PPM1B: variants seen among roughly 807,000 people sequenced by gnomAD.
PPM1B encodes protein phosphatase 1B.
In PPM1B, 22 loss-of-function variants were observed where a neutral mutation model predicts 43.0. The observed-to-expected ratio is 0.51, with a 90% CI of 0.37 to 0.73. The LOEUF is 0.73. Among genes scored for constraint, PPM1B ranks in the 30% least tolerant of loss-of-function variants. The pLI, the probability that PPM1B is intolerant of heterozygous loss-of-function variation, is 0.00. For synonymous variants in PPM1B, 217 were observed against 197.9 expected (o/e 1.10, Z -0.81); for missense variants, 632 against 584.2 (o/e 1.08, Z -0.84).
chr2:44,228,438 G>C (rs1257406714), intron 5 of PPM1B, among the ~76,000 whole-genome samples: 2 of 152,036 alleles, frequency 1.3e-5, no homozygotes, highest in East Asian at 1.9e-4. Context: ...TCCCAAAGTG[G>C]TGAAATTGCA....
chr2:44,193,520 A>G (rs1478610381), intron 1 of PPM1B, among the ~76,000 whole-genome samples: 2 of 151,546 alleles, frequency 1.3e-5, no homozygotes, highest in African/African-American at 4.8e-5. Flanking sequence ...TAGCTTCCCT[A>G]GTAGCTAGGA....
In PPM1B at chr2:44,176,665, A is replaced by G. The variant is rs144780793; in HGVS notation, c.-15+7391A>G. On this transcript the variant is annotated intron_variant, in intron 1 of 5. Coordinates refer to ENST00000282412, the MANE Select transcript of PPM1B (RefSeq NM_002706.6). The stretch of plus-strand genomic sequence containing the variant: ...TAAAGAGGCCTCTTCTTCAGTTTAT[A>G]CAAACATTGCAAACTTAAGCATAAA... 6.6e-3 allele frequency among the ~76,000 whole-genome samples: 999 copies of G among 152,272 alleles called. 8 individuals carry two copies. Among genetic ancestry groups the G allele is most frequent in the Middle Eastern group, 0.024 (7 of 294 alleles).
chr2:44,227,146 TTTTTG>T (rs1249066386), intron 5 of PPM1B, among the ~76,000 whole-genome samples: 1 of 151,808 alleles, frequency 6.6e-6, no homozygotes, highest in African/African-American at 2.4e-5. Context: ...ATTTTTTAAA[TTTTTG>T]TTTTGTAGAG....
At chr2:44,183,018 A>G (rs1667955300) in intron 1 of PPM1B, among the ~76,000 whole-genome samples, 1 of 152,118 alleles carries the variant, frequency 6.6e-6, no homozygotes, top group Non-Finnish European at 1.5e-5. Flanking sequence ...TTTCAGTTTT[A>G]GCTGTTACTA....
At chr2:44,187,271 A>T (rs933211806) in intron 1 of PPM1B, among the ~76,000 whole-genome samples, 8 of 152,166 alleles carry the variant, frequency 5.3e-5, no homozygotes, top group Admixed American at 3.9e-4. Context: ...AGAATAATTC[A>T]TTCTGTGTAT....
intron 5 of PPM1B, among the ~76,000 whole-genome samples, chr2:44,240,745 A>T (rs1670725834): frequency 6.9e-6 from 1 of 145,466 alleles, no homozygotes; most frequent in Non-Finnish European, 1.5e-5. Flanking sequence ...GCCTACTAGT[A>T]CCCATTAGCA....
downstream of PPM1B, chr2:44,244,437 G>A (rs1670814382): frequency 2.0e-5 from 23 of 1,143,018 alleles, no homozygotes; most frequent in Middle Eastern, 6.7e-4. Flanking sequence ...TGGAGACAGA[G>A]AAGGACTGTC....
chr2:44,233,905 G>T (rs1670538397), downstream of PPM1B: 2 of 985,318 alleles, frequency 2.0e-6, no homozygotes, highest in Non-Finnish European at 2.4e-6. Context: ...GTTGTTAAAA[G>T]ATAGGGAATG....
At chr2:44,188,093 G>C (rs1246039874) in intron 1 of PPM1B, among the ~76,000 whole-genome samples, 3 of 152,166 alleles carry the variant, frequency 2.0e-5, no homozygotes, top group African/African-American at 7.2e-5. Context: ...CCAGGAGATT[G>C]CTTTGGCTTA....
At chr2:44,227,546 C>G (rs960410014) in intron 5 of PPM1B, among the ~76,000 whole-genome samples, 13 of 142,532 alleles carry the variant, frequency 9.1e-5, no homozygotes, top group African/African-American at 3.1e-4. Context: ...GAGATGGAGT[C>G]TTGCTCTGTC....
chr2:44,212,036 C>CA (rs765429484), intron 3 of PPM1B, among the ~76,000 whole-genome samples: 2 of 152,162 alleles, frequency 1.3e-5, no homozygotes, highest in Non-Finnish European at 2.9e-5. Flanking sequence ...AGGCGTGAAT[C>CA]ACCGCGCCTG....
At chr2:44,169,734 TTA>T (rs1306058295) in intron 1 of PPM1B, among the ~76,000 whole-genome samples, 4 of 152,258 alleles carry the variant, frequency 2.6e-5, no homozygotes, top group African/African-American at 9.6e-5. Flanking sequence ...CACTTCCTTG[TTA>T]AATCGTCTTT....
At chr2:44,179,111 A>G (rs1217085865) in intron 1 of PPM1B, among the ~76,000 whole-genome samples, 1 of 151,760 alleles carries the variant, frequency 6.6e-6, no homozygotes, top group Non-Finnish European at 1.5e-5. Context: ...AAGTCTCATG[A>G]GATCTGATGG....
chr2:44,210,837 C>T (rs1669429134), intron 3 of PPM1B, among the ~76,000 whole-genome samples: 1 of 152,002 alleles, frequency 6.6e-6, no homozygotes, highest in Non-Finnish European at 1.5e-5. Context: ...TGTAGTATAT[C>T]CATAAAAATT....
intron 1 of PPM1B, among the ~76,000 whole-genome samples, chr2:44,181,498 A>C (rs1667872565): frequency 2.0e-5 from 3 of 152,236 alleles, no homozygotes. Context: ...GGTTGAAGTC[A>C]GGGAGATCCA....
In PPM1B at chr2:44,218,557, A is replaced by G; in HGVS notation, c.1134+20A>G. 2.0e-6 allele frequency: 3 copies of G among 1,518,118 alleles called. No homozygotes were observed. The highest frequency in any genetic ancestry group is 2.7e-6 in the Non-Finnish European group (3 of 1,114,180). 94.0% of individuals were successfully genotyped at this position (1,518,118 alleles called of 1,614,324 possible). On this transcript the variant is annotated intron_variant, in intron 5 of 5. Coordinates refer to ENST00000282412, the MANE Select transcript of PPM1B (RefSeq NM_002706.6). ...GATGGGGTAAGTTTTATTTTATTTC[A>G]TAAGCATTTGAAGTAATTTCACAAT... is the stretch of plus-strand genomic sequence containing the variant.
chr2:44,221,428 T>C (rs1043874572), intron 5 of PPM1B, among the ~76,000 whole-genome samples: 1 of 152,274 alleles, frequency 6.6e-6, no homozygotes, highest in Admixed American at 6.5e-5. Context: ...CTTGACCCAC[T>C]GTAGCAAAAA....
intron 1 of PPM1B, among the ~76,000 whole-genome samples, chr2:44,199,508 A>T (rs554254951): frequency 6.6e-6 from 1 of 152,272 alleles, no homozygotes; most frequent in East Asian, 1.9e-4. Flanking sequence ...GATTTAGTAA[A>T]TACAGCCAAC....
chr2:44,213,104 C>CTT (rs57890131), intron 3 of PPM1B, among the ~76,000 whole-genome samples: 14 of 131,552 alleles, frequency 1.1e-4, no homozygotes, highest in African/African-American at 2.3e-4. Context: ...TCTTAAGGCC[C>CTT]TTTTTTTTTT....
Sources: gnomAD v4.1 joint callset for allele counts (sites outside exome capture counted in the v4.1 genomes callset) on GRCh38, gnomAD v4.1.1 for gene constraint, MANE v1.5 for transcripts, NCBI Gene and HGNC (gene_info 2026-07-23, HGNC 2026-07-21) for gene names.